Variants in TENM3 observed in about 807,000 individuals in gnomAD.
TENM3 encodes teneurin transmembrane protein 3.
A neutral mutation model predicts 255.1 loss-of-function variants in TENM3; 63 were observed. The ratio of observed to expected loss-of-function variants is 0.25; its 90% CI spans 0.20 to 0.30. The LOEUF (loss-of-function observed/expected upper bound fraction) is 0.30. Among genes scored for constraint, TENM3 ranks in the 10% least tolerant of loss-of-function variants. The pLI is 1.00. For synonymous variants in TENM3, 1,306 were observed against 1,322.3 expected (o/e 0.99, Z 0.27); for missense variants, 2,929 against 3,461.1 (o/e 0.85, Z 3.86).
chr4:182,224,480 C>T (rs2597103), intron 1 of TENM3, among the ~76,000 whole-genome samples: 152,249 of 152,340 alleles, frequency 1, 76,080 homozygotes, highest in Non-Finnish European at 1. Context: ...AAGGCGAAAA[C>T]TGTGTAAATT....
chr4:181,819,248 G>GTT, the TENM3 span, among the ~76,000 whole-genome samples: 4,732 of 152,072 alleles, frequency 0.031, 120 homozygotes, highest in South Asian at 0.081. Flanking sequence ...CCATTCTCAA[G>GTT]TTTTTTTGCC....
chr4:182,321,698 C>G (rs1162996403), intron 1 of TENM3, among the ~76,000 whole-genome samples: 1 of 151,860 alleles, frequency 6.6e-6, no homozygotes, highest in Non-Finnish European at 1.5e-5. Context: ...GTAATCCCAG[C>G]ACTTTGGGAG....
Position 182,754,285 on chromosome 4 carries a change from C to G in TENM3, c.4018-100C>G. On this transcript the variant is annotated intron_variant, in intron 21 of 27. Coordinates refer to ENST00000511685, the MANE Select transcript of TENM3 (RefSeq NM_001080477.4). This position sits in a 1 kb window ranked among gnomAD's most constrained non-coding sequence, Gnocchi z 5.1. ...AAAACTATTATCAGACAGTTTATCT[C>G]AGATTAATGCCAATTTCCCTGAATG... The G allele has an allele frequency of 1.6e-6, 2 of 1,273,032 alleles. No individual in the cohort carries two copies. The highest frequency in any genetic ancestry group is 1.1e-6 in the Non-Finnish European group (1 of 942,190). The allele number at this position is 1,273,032 out of a possible 1,614,324, so 78.9% of individuals were successfully genotyped here. A position where few individuals can be genotyped will look rare whatever the true frequency, so the allele number is the denominator to read the frequency against.
intron 3 of TENM3, among the ~76,000 whole-genome samples, chr4:182,592,128 CTTTTT>C (rs77448760): frequency 7.3e-6 from 1 of 137,640 alleles, no homozygotes. Flanking sequence ...TTCTTTTCTT[CTTTTT>C]TTTTTTTTTT....
chr4:182,372,247 C>T (rs1340798594), intron 3 of TENM3, among the ~76,000 whole-genome samples: 3 of 152,092 alleles, frequency 2.0e-5, no homozygotes, highest in African/African-American at 4.8e-5. Context: ...GTGACATTTT[C>T]TTGTCACTAT....
At chr4:181,863,982 A>G in the TENM3 span, among the ~76,000 whole-genome samples, 1 of 152,160 alleles carries the variant, frequency 6.6e-6, no homozygotes, top group Admixed American at 6.6e-5. Context: ...ATAACCACAT[A>G]TGCCTTCCTA....
At chr4:182,038,978 C>A in the TENM3 span, among the ~76,000 whole-genome samples, 1 of 152,088 alleles carries the variant, frequency 6.6e-6, no homozygotes, top group Admixed American at 6.5e-5. Flanking sequence ...AGTGATCCAC[C>A]CGCCCCGGCC....
the TENM3 span, among the ~76,000 whole-genome samples, chr4:181,486,528 G>T: frequency 0.4 from 61,017 of 152,080 alleles, 12,457 homozygotes; most frequent in Middle Eastern, 0.43. Context: ...CTTGCACTTG[G>T]CTTATCTTCA....
At chr4:181,670,809 A>G in the TENM3 span, among the ~76,000 whole-genome samples, 1 of 152,196 alleles carries the variant, frequency 6.6e-6, no homozygotes, top group African/African-American at 2.4e-5. Flanking sequence ...CAAGCACAAG[A>G]TTCATTAATA....
rs368983582 is a variant in TENM3, at chr4:182,681,826, A to T, written c.1847A>T (p.Asp616Val). ...GESCEEADCI[D>V]PGCSNHGVCI... ...TTCTTTACACCAGCTGACTGTATAG[A>T]CCCTGGGTGTTCTAATCATGGTGTG... The change falls in exon 11 of 28, where the codon GAC becomes GTC. Residue 616 changes from aspartate (D) to valine (V), a missense_variant. By Grantham distance (152) the Asp-to-Val change is radical (BLOSUM62 -3). Transcript: ENST00000511685. The T allele has an allele frequency of 2.2e-5, 35 of 1,613,182 alleles. No individual in the cohort carries two copies. The highest frequency in any genetic ancestry group is 4.0e-5 in the African/African-American group (3 of 74,888).
the TENM3 span, among the ~76,000 whole-genome samples, chr4:182,008,852 G>A: frequency 6.6e-6 from 1 of 152,072 alleles, no homozygotes; most frequent in Non-Finnish European, 1.5e-5. Context: ...TCTCATCTTT[G>A]TGAGTTTGTC....
chr4:181,879,053 ACATTGGGTAGCTC>A, the TENM3 span, among the ~76,000 whole-genome samples: 1 of 152,300 alleles, frequency 6.6e-6, no homozygotes, highest in Non-Finnish European at 1.5e-5. Context: ...TGGGATTGCC[ACATTGGGTAGCTC>A]CATGATACTG....
At chr4:182,294,072 CA>C (rs1470018143) in intron 1 of TENM3, among the ~76,000 whole-genome samples, 1 of 151,980 alleles carries the variant, frequency 6.6e-6, no homozygotes, top group African/African-American at 2.4e-5. Flanking sequence ...GAGTCGGAAG[CA>C]TTGGAGTCAG....
chr4:182,571,883 G>C (rs1041655054), intron 3 of TENM3, among the ~76,000 whole-genome samples: 1 of 152,072 alleles, frequency 6.6e-6, no homozygotes, highest in Non-Finnish European at 1.5e-5. Flanking sequence ...CAGCAATTAG[G>C]AATGATAAAA....
the TENM3 span, among the ~76,000 whole-genome samples, chr4:181,966,876 T>TA: frequency 1.3e-5 from 2 of 152,258 alleles, no homozygotes; most frequent in South Asian, 2.1e-4. Context: ...CTGGACCACC[T>TA]ATTAGTGTAT....
chr4:181,465,231 G>A, the TENM3 span, among the ~76,000 whole-genome samples: 1 of 150,550 alleles, frequency 6.6e-6, no homozygotes, highest in Non-Finnish European at 1.5e-5. Flanking sequence ...CCATAATCAT[G>A]TTCTTGAGTT....
At chr4:182,282,667 C>T (rs542880571) in intron 1 of TENM3, among the ~76,000 whole-genome samples, 14 of 152,048 alleles carry the variant, frequency 9.2e-5, no homozygotes, top group South Asian at 8.3e-4. Flanking sequence ...CCTAGGCAGT[C>T]GGATCACCTG....
the TENM3 span, among the ~76,000 whole-genome samples, chr4:181,776,720 C>G: frequency 1.3e-5 from 2 of 151,980 alleles, no homozygotes; most frequent in African/African-American, 4.8e-5. Context: ...TTTATATCTT[C>G]CTTTGAGAAA....
Position 182,161,833 on chromosome 4 carries a change from A to G in TENM3, c.-76+17079A>G, listed in dbSNP as rs1267996546. ...TATATATGTATATATATACACATAT[A>G]TATGTGTATATATACACAAATATAT... is the stretch of plus-strand genomic sequence containing the variant. On this transcript the variant is annotated intron_variant, in intron 1 of 2. Transcript: ENST00000512480. 4.1e-5 allele frequency among the ~76,000 whole-genome samples: 2 copies of G among 48,344 alleles called. 1 individual carries two copies. The highest frequency in any genetic ancestry group is 1.0e-4 in the Non-Finnish European group (2 of 19,436). The allele number at this position is 48,344 out of a possible 152,430, so 31.7% of individuals were successfully genotyped here.
Sources: allele counts gnomAD v4.1 joint callset (sites outside exome capture counted in the v4.1 genomes callset), GRCh38; gene constraint gnomAD v4.1.1; non-coding constraint Gnocchi (gnomAD v3.1); transcripts MANE v1.5; gene names NCBI Gene and HGNC (gene_info 2026-07-23, HGNC 2026-07-21).